Variants in SMARCAL1 observed in about 807,000 individuals in gnomAD.
SMARCAL1 encodes the protein SNF2 related chromatin remodeling annealing helicase 1.
Under a neutral mutation model 94.5 loss-of-function variants are expected in SMARCAL1, and 58 were observed. That is an observed-to-expected ratio of 0.61 (90% CI 0.50 to 0.76). The LOEUF is 0.76. Ranked by LOEUF, SMARCAL1 falls within the 30% of genes least tolerant of loss-of-function variation. The pLI, the probability that SMARCAL1 is intolerant of heterozygous loss-of-function variation, is 0.00. For synonymous variants in SMARCAL1, 422 were observed against 455.1 expected, an observed-to-expected ratio of 0.93 and a Z score of 0.93; for missense variants, 1,051 against 1,177.9, an observed-to-expected ratio of 0.89 and a Z score of 1.58.
chr2:216,438,288 T>A lies in SMARCAL1; in HGVS notation c.1645-132T>A, dbSNP rs146596046. On this transcript the variant is annotated intron_variant, in intron 9 of 17. Coordinates refer to ENST00000357276, the MANE Select transcript of SMARCAL1 (RefSeq NM_014140.4). ...GTCCTGACCTAGGCCCAGTGAGCCA[T>A]CTCCTTGAATGAGAAAGTGCTAAGG... 1.3e-3 allele frequency: 1,040 copies of A among 770,408 alleles called. 4 individuals are homozygous for A. The African/African-American group carries it at 0.014, about 10-fold the overall frequency. 47.7% of individuals were successfully genotyped at this position (770,408 alleles called of 1,614,324 possible).
chr2:216,460,917 C>A (rs373872520), intron 12 of SMARCAL1, among the ~76,000 whole-genome samples: 2 of 151,854 alleles, frequency 1.3e-5, no homozygotes, highest in South Asian at 4.2e-4. Flanking sequence ...ATTTTTGGGT[C>A]AACTGGGGGA....
intron 13 of SMARCAL1, among the ~76,000 whole-genome samples, chr2:216,466,881 G>T (rs1289473353): frequency 6.6e-6 from 1 of 152,174 alleles, no homozygotes; most frequent in South Asian, 2.1e-4. Flanking sequence ...TCATAGTGTT[G>T]TTTGAAATGA....
rs145615460 is a variant in SMARCAL1 at position 216,473,882 on chromosome 2, T to C, written c.2245-1387T>C. 7.7e-3 allele frequency among the ~76,000 whole-genome samples: 1,168 copies of C among 152,246 alleles called. 13 individuals are homozygous for C. The highest frequency in any genetic ancestry group is 0.027 in the African/African-American group (1,126 of 41,544). On this transcript the variant is annotated intron_variant, in intron 14 of 17. Coordinates refer to ENST00000357276, the MANE Select transcript of SMARCAL1 (RefSeq NM_014140.4). ...TGAAAACTTAGGTTAACAGAAAAAC[T>C]TGTACACACATGTTCATAGCAGCTT...
At chr2:216,413,225 C>T (rs549199569) in intron 1 of SMARCAL1, among the ~76,000 whole-genome samples, 1 of 152,186 alleles carries the variant, frequency 6.6e-6, no homozygotes, top group African/African-American at 2.4e-5. Context: ...CTATAGCTGC[C>T]CAGAGGCCTA....
At chr2:216,433,934 A>AG (rs1694018320) in intron 8 of SMARCAL1, among the ~76,000 whole-genome samples, 1 of 150,652 alleles carries the variant, frequency 6.6e-6, no homozygotes, top group Non-Finnish European at 1.5e-5. Context: ...AAAAAAAAAA[A>AG]CACTAAAAAA....
At chr2:216,461,452 G>T (rs761770931) in intron 12 of SMARCAL1, among the ~76,000 whole-genome samples, 1 of 151,972 alleles carries the variant, frequency 6.6e-6, no homozygotes, top group Non-Finnish European at 1.5e-5. Context: ...GCAGAACTGG[G>T]ATCATACAAA....
rs145507644 is a variant in SMARCAL1, at chr2:216,423,002, A to G, written c.1097-631A>G. On this transcript the variant is annotated intron_variant, in intron 5 of 17. Transcript: ENST00000357276. ...CTCATTGTTTTCCAGTCATACTTTT[A>G]TAAGCATTTTCCTTTAATTTCATGT... 2.0e-4 allele frequency among the ~76,000 whole-genome samples: 30 copies of G among 152,338 alleles called. No homozygotes were observed. In the East Asian group the frequency reaches 5.4e-3, roughly 27 times the overall value.
chr2:216,467,758 T>C (rs1461461580), intron 13 of SMARCAL1, among the ~76,000 whole-genome samples, 186 bp from the exon 14 acceptor site: 1 of 152,168 alleles, frequency 6.6e-6, no homozygotes, highest in Non-Finnish European at 1.5e-5. Flanking sequence ...CTAAATGCTT[T>C]CAGATCTACA....
At chr2:216,427,092 T>G (rs1030637228) in intron 6 of SMARCAL1, 3 of 152,232 alleles carry the variant, frequency 2.0e-5, no homozygotes, top group African/African-American at 7.2e-5. Flanking sequence ...AACAATCTTG[T>G]CTTGTTAGCT....
chr2:216,423,557 G>T, intron 5 of SMARCAL1, 76 bp from the exon 6 acceptor site: 1 of 1,234,620 alleles, frequency 8.1e-7, no homozygotes, highest in South Asian at 1.2e-5. Context: ...TGAAACCAAG[G>T]AATAAATGAG....
chr2:216,454,539 T>C (rs1694518297), intron 12 of SMARCAL1, among the ~76,000 whole-genome samples: 1 of 152,166 alleles, frequency 6.6e-6, no homozygotes, highest in Admixed American at 6.5e-5. Context: ...CATTTGACTT[T>C]TTTTGCCTCA....
chr2:216,463,100 C>T (rs1694742438), intron 12 of SMARCAL1, among the ~76,000 whole-genome samples: 1 of 152,174 alleles, frequency 6.6e-6, no homozygotes, highest in Admixed American at 6.5e-5. Context: ...TTATCAAGAT[C>T]TCAAGAATGA....
At chr2:216,426,594 C>T (rs1693838820) in intron 6 of SMARCAL1, among the ~76,000 whole-genome samples, 2 of 148,034 alleles carry the variant, frequency 1.4e-5, no homozygotes, top group African/African-American at 5.1e-5. Flanking sequence ...AGAAGGGAAA[C>T]AGTGGCTTTC....
chr2:216,446,903 ACACG>A (rs1197258398), intron 10 of SMARCAL1, 111 bp from the exon 11 acceptor site: 1 of 1,214,624 alleles, frequency 8.2e-7, no homozygotes, highest in African/African-American at 1.5e-5. Flanking sequence ...GGTTCTCGCG[ACACG>A]CACGCGGTCT....
At chr2:216,430,890 C>G (rs1023351362) in intron 7 of SMARCAL1, among the ~76,000 whole-genome samples, 4 of 152,372 alleles carry the variant, frequency 2.6e-5, no homozygotes, top group South Asian at 2.1e-4. Context: ...TGCCCTCCCC[C>G]CATCTGTCTG....
At chr2:216,427,231 A>C (rs1421914707) in intron 6 of SMARCAL1, 1 of 152,256 alleles carries the variant, frequency 6.6e-6, no homozygotes, top group African/African-American at 2.4e-5. Flanking sequence ...GTACCAGGGA[A>C]AGGACAGTAG....
chr2:216,452,924 G>T (rs1020742842), intron 12 of SMARCAL1, among the ~76,000 whole-genome samples: 1 of 152,178 alleles, frequency 6.6e-6, no homozygotes, highest in African/African-American at 2.4e-5. Context: ...TGGAATTTAG[G>T]AATGTTGGGT....
chr2:216,477,101 A>G lies in SMARCAL1; in HGVS notation c.2428-8A>G, dbSNP rs2106088505. The G allele has an allele frequency of 1.9e-6, 3 of 1,563,494 alleles. No individual in the cohort carries two copies. The highest frequency in any genetic ancestry group is 2.6e-6 in the Non-Finnish European group (3 of 1,153,848). On this transcript the variant is annotated splice_region_variant and splice_polypyrimidine_tract_variant and intron_variant, in intron 15 of 17. Coordinates refer to ENST00000357276, the MANE Select transcript of SMARCAL1 (RefSeq NM_014140.4). Reference sequence around the variant, plus strand: ...TTTACCTGCCTGTCTCAATTCCTGGACACACAGGTGCTGATCCAGGCTGAG... The same window carrying G: ...TTTACCTGCCTGTCTCAATTCCTGGGCACACAGGTGCTGATCCAGGCTGAG...
intron 12 of SMARCAL1, among the ~76,000 whole-genome samples, chr2:216,456,384 A>G (rs1234734206): frequency 1.3e-5 from 2 of 152,202 alleles, no homozygotes; most frequent in East Asian, 3.8e-4. Flanking sequence ...ACTCCAAGAC[A>G]CATAATTGTC....
Sources: allele counts gnomAD v4.1 joint callset (sites outside exome capture counted in the v4.1 genomes callset), GRCh38; gene constraint gnomAD v4.1.1; transcripts MANE v1.5; gene names NCBI Gene and HGNC (gene_info 2026-07-23, HGNC 2026-07-21).